EPHB2: variants seen among roughly 807,000 people sequenced by gnomAD.
EPHB2 encodes the protein EPH receptor B2, also known as ephrin type-B receptor 2.
Under a neutral mutation model 96.4 loss-of-function variants are expected in EPHB2, and 18 were observed. The observed-to-expected ratio is 0.19, with a 90% CI of 0.13 to 0.28. The LOEUF (loss-of-function observed/expected upper bound fraction) is 0.28, where lower values mean the gene tolerates loss of function less well. Ranked by LOEUF, EPHB2 falls within the 10% of genes least tolerant of loss-of-function variation. The pLI is 1.00. For missense variants in EPHB2, 989 were observed against 1,355.4 expected, an observed-to-expected ratio of 0.73 and a Z score of 4.25; for synonymous variants, 506 against 534.1, an observed-to-expected ratio of 0.95 and a Z score of 0.72.
Position 22,912,499 on chromosome 1 carries a change from G to A in EPHB2, c.2752G>A (p.Val918Met), listed in dbSNP as rs1471157491. The A allele has an allele frequency of 1.9e-6, 3 of 1,614,044 alleles. No homozygotes were observed. The highest frequency in any genetic ancestry group is 2.5e-6 in the Non-Finnish European group (3 of 1,180,052). Residue 918 changes from valine to methionine, a missense_variant, in exon 15 of 16, where the codon GTG becomes ATG. Physicochemically the swap from Val to Met is conservative, Grantham distance 21. Coordinates refer to ENST00000374630, the MANE Select transcript of EPHB2 (RefSeq NM_017449.5). Reference sequence around the variant, plus strand: ...CCCCGACTACACCAGCTTTAACACGGTGGACGAGTGGCTGGAGGCCATCAA... The same window carrying A: ...CCCCGACTACACCAGCTTTAACACGATGGACGAGTGGCTGGAGGCCATCAA... ...TIPDYTSFNT[V>M]DEWLEAIKMG... is the part of the protein sequence containing the mutation.
intron 8 of EPHB2, 109 bp downstream of exon 8, chr1:22,895,689 A>G: frequency 9.6e-7 from 1 of 1,037,738 alleles, no homozygotes; most frequent in African/African-American, 1.6e-5. Context: ...CATTCTCACA[A>G]TTGCAGGGAG....
chr1:22,796,047 G>A (rs16827555), intron 3 of EPHB2, among the ~76,000 whole-genome samples: 2,507 of 152,320 alleles, frequency 0.016, 79 homozygotes, highest in African/African-American at 0.058. Flanking sequence ...TAAGGTGGAA[G>A]TGGGTGCAAC....
intron 2 of EPHB2, among the ~76,000 whole-genome samples, chr1:22,783,493 C>T (rs1444326483): frequency 6.6e-6 from 1 of 152,190 alleles, no homozygotes; most frequent in Admixed American, 6.5e-5. Context: ...GAGATTGTTC[C>T]CGAAGGCCCT....
In EPHB2 at chr1:22,913,801, G is replaced by T; in HGVS notation, c.*231G>T. 1 of 1,609,712 alleles carries T rather than the reference G, an allele frequency of 6.2e-7. No individual in the cohort carries two copies. Among genetic ancestry groups the T allele is most frequent in the Non-Finnish European group, 8.5e-7 (1 of 1,178,026 alleles). ...AGAAAACAGATCCTGGGAGGGGGCG[G>T]GAAATACAAGGAATATTTTTTAAAG... On this transcript the variant is annotated 3_prime_UTR_variant, in exon 16 of 16. Coordinates refer to ENST00000374630, the MANE Select transcript of EPHB2 (RefSeq NM_017449.5). This position sits in a 1 kb window ranked among gnomAD's most constrained non-coding sequence, Gnocchi z 4.1.
chr1:22,795,032 C>T (rs770521173), intron 3 of EPHB2, among the ~76,000 whole-genome samples: 4 of 152,202 alleles, frequency 2.6e-5, no homozygotes, highest in Admixed American at 2.0e-4. Context: ...CATTGCTCTG[C>T]GGCAGCTGGC....
At chr1:22,751,157 C>A (rs769866734) in intron 1 of EPHB2, among the ~76,000 whole-genome samples, 6 of 151,866 alleles carry the variant, frequency 4.0e-5, no homozygotes, top group Non-Finnish European at 7.4e-5. Context: ...CTGGTCAGTC[C>A]AAGCCCTTCA....
At chr1:22,739,036 T>C (rs1281821774) in intron 1 of EPHB2, among the ~76,000 whole-genome samples, 1 of 152,144 alleles carries the variant, frequency 6.6e-6, no homozygotes, top group Non-Finnish European at 1.5e-5. Flanking sequence ...TTTTTAAAAA[T>C]TATGTTGTGT....
At chr1:22,865,292 C>G in intron 5 of EPHB2, 80 bp downstream of exon 5, 1 of 1,499,292 alleles carries the variant, frequency 6.7e-7, no homozygotes, top group East Asian at 2.3e-5. Flanking sequence ...ACAAAAGACT[C>G]CTTCACATCT....
At chr1:22,857,083 G>A (rs1446480409) in intron 3 of EPHB2, among the ~76,000 whole-genome samples, 1 of 152,212 alleles carries the variant, frequency 6.6e-6, no homozygotes, top group Non-Finnish European at 1.5e-5. Context: ...CAACCAGTGG[G>A]CAGAACAAAA....
intron 3 of EPHB2, among the ~76,000 whole-genome samples, chr1:22,813,125 CT>C (rs765284468): frequency 5.9e-5 from 9 of 152,326 alleles, no homozygotes; most frequent in South Asian, 2.1e-4. Context: ...CTACCTAGTA[CT>C]TTTCTGTTTA....
At chr1:22,732,328 A>G (rs1382437148) in intron 1 of EPHB2, among the ~76,000 whole-genome samples, 2 of 147,008 alleles carry the variant, frequency 1.4e-5, no homozygotes, top group Non-Finnish European at 3.0e-5. Flanking sequence ...TGAGGGGGCC[A>G]GAGAAGGTGG....
chr1:22,785,593 T>A lies in EPHB2; in HGVS notation c.811+517T>A, dbSNP rs138333344. The stretch of plus-strand genomic sequence containing the variant: ...GGGACTCCTCCCTCTGAGAGCCAAA[T>A]GGATGGAGCACCACCATTCGGGATG... On this transcript the variant is annotated intron_variant, in intron 3 of 15. Transcript: ENST00000374630. Among the ~76,000 whole-genome samples the A allele has an allele frequency of 2.0e-5, 3 of 152,346 alleles. No individual in the cohort carries two copies. The East Asian group carries it at 5.8e-4, about 29-fold the overall frequency.
chr1:22,787,396 A>G (rs536761321), intron 3 of EPHB2, among the ~76,000 whole-genome samples: 29 of 152,306 alleles, frequency 1.9e-4, no homozygotes, highest in South Asian at 6.2e-4. Context: ...ATGTAGGAAG[A>G]ACTGTGACAG....
At position 22,860,680 on chromosome 1, in the gene EPHB2, A is replaced by T. The variant is rs1411639713; in HGVS notation, c.812-2357A>T. 6.6e-6 allele frequency among the ~76,000 whole-genome samples: 1 copy of T among 152,084 alleles called. No homozygotes were observed. The highest frequency in any genetic ancestry group is 1.5e-5 in the Non-Finnish European group (1 of 68,014). On this transcript the variant is annotated intron_variant, in intron 3 of 15. Transcript: ENST00000374630. The surrounding 1 kb of genome is among the most constrained non-coding windows in gnomAD (Gnocchi z 4.6). ...CTGGGCAGGCTGTCTCCAGAGAGGG[A>T]GCAGGAGGAGCCTGATCTTGGGGCC...
At chr1:22,843,863 A>G (rs754232642) in intron 3 of EPHB2, among the ~76,000 whole-genome samples, 1 of 152,148 alleles carries the variant, frequency 6.6e-6, no homozygotes, top group Non-Finnish European at 1.5e-5. Context: ...CTTTGTGTCC[A>G]TGTGTATTCA....
chr1:22,771,252 A>G (rs1218633296), intron 1 of EPHB2, among the ~76,000 whole-genome samples: 1 of 152,218 alleles, frequency 6.6e-6, no homozygotes, highest in Non-Finnish European at 1.5e-5. Flanking sequence ...ACAAGGTGAC[A>G]AGTATAATGA....
At position 22,858,487 on chromosome 1, in the gene EPHB2, T is replaced by C. The variant is rs1217690746; in HGVS notation, c.812-4550T>C. The stretch of plus-strand genomic sequence containing the variant: ...CCATGCAGGGATCATCAGCCCCCTT[T>C]CCAGATGAGGAGACTGAGTTTCAAA... On this transcript the variant is annotated intron_variant, in intron 3 of 15. Transcript: ENST00000374630. The surrounding 1 kb of genome is among the most constrained non-coding windows in gnomAD (Gnocchi z 7.7). Among the ~76,000 whole-genome samples, 1 of 152,086 alleles carries C rather than the reference T, an allele frequency of 6.6e-6. No individual in the cohort carries two copies. The highest frequency in any genetic ancestry group is 2.4e-5 in the African/African-American group (1 of 41,394).
chr1:22,773,428 C>T (rs570659646), intron 1 of EPHB2, among the ~76,000 whole-genome samples: 2 of 152,300 alleles, frequency 1.3e-5, no homozygotes, highest in South Asian at 2.1e-4. Flanking sequence ...CAACAGGAAC[C>T]GCTGGGAAGA....
intron 3 of EPHB2, among the ~76,000 whole-genome samples, chr1:22,839,696 G>C (rs1049983327): frequency 6.6e-6 from 1 of 152,186 alleles, no homozygotes; most frequent in African/African-American, 2.4e-5. Context: ...AGATGCCTCA[G>C]GTGTCTGAGG....
Sources: gnomAD v4.1 joint callset for allele counts (sites outside exome capture counted in the v4.1 genomes callset) on GRCh38, gnomAD v4.1.1 for gene constraint, Gnocchi (gnomAD v3.1) non-coding constraint, MANE v1.5 for transcripts, NCBI Gene and HGNC (gene_info 2026-07-23, HGNC 2026-07-21) for gene names.